Variants in GZMB observed in about 807,000 individuals in gnomAD.
The protein encoded by GZMB is granzyme B.
A neutral mutation model predicts 24.2 loss-of-function variants in GZMB; 27 were observed. That is an observed-to-expected ratio of 1.12 (90% confidence interval 0.82 to 1.54). The LOEUF (loss-of-function observed/expected upper bound fraction) is 1.54, where lower values mean the gene tolerates loss of function less well. Ranked by LOEUF, GZMB falls within the 40% of genes most tolerant of loss-of-function variation. The probability of loss-of-function intolerance (pLI) is 0.00; values close to 1 mark genes in which losing one functional copy is unlikely to be tolerated. For missense variants in GZMB, 336 were observed against 310.1 expected, an observed-to-expected ratio of 1.08 and a Z score of -0.63; for synonymous variants, 121 against 115.1, an observed-to-expected ratio of 1.05 and a Z score of -0.33.
intron 1 of GZMB, among the ~76,000 whole-genome samples, chr14:24,633,589 G>A (rs1008748441): frequency 7.9e-5 from 12 of 152,276 alleles, no homozygotes; most frequent in African/African-American, 9.6e-5. Flanking sequence ...GGGGCCTGCC[G>A]TAGTGCCTCA....
In GZMB at chr14:24,632,971, G is replaced by A. The variant is rs141950099; in HGVS notation, c.147C>T (p.Cys49=). ...AGTCGTCTCGTATCAGGAAGCCACC[G>A]CACCTCTTCAGAGACTTCTGATCCC... The part of the protein sequence containing the change: ...MIWDQKSLKR[C]GGFLIRDDFV... The change falls in exon 2 of 5, where the codon TGC becomes TGT. Residue 49 remains cysteine (C), a synonymous_variant. Transcript: ENST00000216341. 56 of 1,613,868 alleles carry A rather than the reference G, an allele frequency of 3.5e-5. No homozygotes were observed. Among genetic ancestry groups the A allele is most frequent in the Middle Eastern group, 1.7e-4 (1 of 6,058 alleles).
chr14:24,633,811 A>G, intron 1 of GZMB: 2 of 462,212 alleles, frequency 4.3e-6, no homozygotes, highest in South Asian at 2.1e-5. Flanking sequence ...ATAATTTAAT[A>G]TTTCTCTTTT....
Position 24,631,147 on chromosome 14 carries a change from T to C in GZMB, c.668A>G (p.Asn223Ser). 6.2e-7 allele frequency: 1 copy of C among 1,613,018 alleles called. No homozygotes were observed. The change falls in exon 5 of 5, where the codon AAT (asparagine) becomes AGT (serine). Residue 223 changes from asparagine (N) to serine (S), a missense_variant. By Grantham distance (46) the Asn-to-Ser change is conservative. Transcript: ENST00000216341. ...AQGIVSYGRN[N>S]GMPPRACTKV... Reference sequence around the variant, plus strand: ...GGTGCAGGCTCGTGGAGGCATGCCATTGTTTCGTCCATAGGAGACAATGCC... The same window carrying C: ...GGTGCAGGCTCGTGGAGGCATGCCACTGTTTCGTCCATAGGAGACAATGCC...
chr14:24,633,324 C>A lies in GZMB; in HGVS notation c.56-262G>T, dbSNP rs1000952534. 2.4e-5 allele frequency: 24 copies of A among 984,894 alleles called. No individual in the cohort carries two copies. In the African/African-American group the frequency reaches 4.2e-4, roughly 17 times the overall value. The allele number at this position is 984,894 out of a possible 1,614,324, so 61.0% of individuals were successfully genotyped here. A position where few individuals can be genotyped will look rare whatever the true frequency, so the allele number is the denominator to read the frequency against. ...AAATCCCAGAGGCTCCTGATCATTC[C>A]TCTCCTGACTTTGCTTTGTTTCAGG... is the stretch of plus-strand genomic sequence containing the variant. On this transcript the variant is annotated intron_variant, in intron 1 of 4. Coordinates refer to ENST00000216341, the MANE Select transcript of GZMB (RefSeq NM_004131.6).
In GZMB at chr14:24,633,729, G is replaced by A. The variant is rs1328797934; in HGVS notation, c.55+377C>T. On this transcript the variant is annotated intron_variant, in intron 1 of 4. Coordinates refer to ENST00000216341, the MANE Select transcript of GZMB (RefSeq NM_004131.6). ...AATTCTGCTGTCAGCTGAGCTCTGGGTTTCTCTCCTAAGTAGACAGTGAGA... is the reference window on the plus strand; with the variant it reads ...AATTCTGCTGTCAGCTGAGCTCTGGATTTCTCTCCTAAGTAGACAGTGAGA... Among the ~76,000 whole-genome samples the A allele has an allele frequency of 2.6e-5, 4 of 152,274 alleles. No individual in the cohort carries two copies. The East Asian group carries it at 5.8e-4, about 22-fold the overall frequency.
intron 4 of GZMB, 117 bp from the exon 5 acceptor site, chr14:24,631,331 A>C: frequency 2.4e-6 from 2 of 817,098 alleles, no homozygotes; most frequent in Non-Finnish European, 3.8e-6. Flanking sequence ...GGGAGACCAG[A>C]GGGCAGGGCA....
Position 24,633,890 on chromosome 14 carries a change from G to A in GZMB, c.55+216C>T, listed in dbSNP as rs1177895589. ...TCTCCAGGTGACAAAGGTGGGCTCTGGGGAAGGGATAGTACCCACTGGCTC... is the reference window on the plus strand; with the variant it reads ...TCTCCAGGTGACAAAGGTGGGCTCTAGGGAAGGGATAGTACCCACTGGCTC... On this transcript the variant is annotated intron_variant, in intron 1 of 4. Transcript: ENST00000216341. 1.2e-5 allele frequency: 8 copies of A among 646,002 alleles called. No homozygotes were observed. In the South Asian group the frequency reaches 1.3e-4, roughly 11 times the overall value. 40.0% of individuals were successfully genotyped at this position (646,002 alleles called of 1,614,324 possible).
intron 1 of GZMB, 133 bp from the exon 2 acceptor site, chr14:24,633,195 G>T (rs1351505419): frequency 6.9e-7 from 1 of 1,449,644 alleles, no homozygotes; most frequent in East Asian, 2.3e-5. Context: ...GGAGGAAGGG[G>T]CTTCAATTTC....
At position 24,632,022 on chromosome 14, in the gene GZMB, C is replaced by A. The variant is rs757031846; in HGVS notation, c.436G>T (p.Gly146Cys). The change falls in exon 4 of 5, where the codon GGC becomes TGC. Residue 146 changes from glycine (G) to cysteine (C), a missense_variant. Transcript: ENST00000216341. ...CCCAGGGGGGCCGTCTGCCCCCAGC[C>A]GGCCACACTGCATGTCTGCCCTGGC... ...VKPGQTCSVA[G>C]WGQTAPLGKH... The A allele has an allele frequency of 6.2e-7, 1 of 1,614,192 alleles. No individual in the cohort carries two copies. Among genetic ancestry groups the A allele is most frequent in the Admixed American group, 1.7e-5 (1 of 60,030 alleles).
At chr14:24,631,720 GT>G (rs2066995995) in intron 4 of GZMB, 137 bp downstream of exon 4, 2 of 768,524 alleles carry the variant, frequency 2.6e-6, no homozygotes, top group East Asian at 4.9e-5. Context: ...GCTCAGTCTA[GT>G]CCCCTCTTCT....
chr14:24,633,601 C>T (rs899193213), intron 1 of GZMB, among the ~76,000 whole-genome samples: 22 of 152,154 alleles, frequency 1.4e-4, no homozygotes, highest in Admixed American at 1.3e-3. Context: ...AGTGCCTCAT[C>T]CTTGGAAAGA....
chr14:24,631,566 T>C, intron 4 of GZMB: 2 of 553,408 alleles, frequency 3.6e-6, no homozygotes, highest in Non-Finnish European at 6.4e-6. Context: ...ACACACCTGG[T>C]TATAATTACT....
Position 24,632,032 on chromosome 14 carries a change from G to A in GZMB, c.426C>T (p.Cys142=), listed in dbSNP as rs2067000184. Residue 142 remains cysteine (C), a synonymous_variant, in exon 4 of 5, where the codon TGC becomes TGT. Transcript: ENST00000216341. Reference sequence around the variant, plus strand: ...CCGTCTGCCCCCAGCCGGCCACACTGCATGTCTGCCCTGGCTTCACCTGGG... The same window carrying A: ...CCGTCTGCCCCCAGCCGGCCACACTACATGTCTGCCCTGGCTTCACCTGGG... ...NKAQVKPGQT[C]SVAGWGQTAP... The A allele has an allele frequency of 6.2e-7, 1 of 1,614,180 alleles. No homozygotes were observed. Among genetic ancestry groups the A allele is most frequent in the African/African-American group, 1.3e-5 (1 of 75,060 alleles).
rs747427440 is a variant in GZMB, at chr14:24,632,411, C to G, written c.252G>C (p.Pro84=). The G allele has an allele frequency of 6.2e-7, 1 of 1,613,428 alleles. No homozygotes were observed. The highest frequency in any genetic ancestry group is 8.5e-7 in the Non-Finnish European group (1 of 1,179,780). The change falls in exon 3 of 5, where the codon CCG becomes CCC. Residue 84 remains proline (P), a synonymous_variant. Transcript: ENST00000216341. The part of the protein sequence containing the change: ...LGAHNIKEQE[P]TQQFIPVKRP... ...TTTTCACAGGGATAAACTGCTGGGTCGGCTCCTGTTCTTTGATATTGTGGG... is the reference window on the plus strand; with the variant it reads ...TTTTCACAGGGATAAACTGCTGGGTGGGCTCCTGTTCTTTGATATTGTGGG...
At chr14:24,633,867 T>C in intron 1 of GZMB, 2 of 600,014 alleles carry the variant, frequency 3.3e-6, no homozygotes, top group Middle Eastern at 3.3e-4. Context: ...AGTCCTACTC[T>C]CCAGGTGACA....
intron 4 of GZMB, chr14:24,631,644 C>T: frequency 5.1e-6 from 3 of 593,154 alleles, no homozygotes; most frequent in South Asian, 2.1e-5. Context: ...CAAATTCATC[C>T]TTCCAAAGAA....
intron 4 of GZMB, 54 bp from the exon 5 acceptor site, chr14:24,631,268 T>C: frequency 2.6e-6 from 4 of 1,522,820 alleles, no homozygotes; most frequent in Middle Eastern, 2.3e-4. Context: ...TCCTGCCCTC[T>C]CTTCCATCTC....
In GZMB at chr14:24,632,037, T is replaced by G. The variant is rs1418879211; in HGVS notation, c.421A>C (p.Thr141Pro). 1 of 1,614,222 alleles carries G rather than the reference T, an allele frequency of 6.2e-7. No individual in the cohort carries two copies. The highest frequency in any genetic ancestry group is 1.7e-5 in the Admixed American group (1 of 60,032). ...TGCCCCCAGCCGGCCACACTGCATGTCTGCCCTGGCTTCACCTGGGCCTTG... is the reference window on the plus strand; with the variant it reads ...TGCCCCCAGCCGGCCACACTGCATGGCTGCCCTGGCTTCACCTGGGCCTTG... The part of the protein sequence containing the change: ...SNKAQVKPGQ[T>P]CSVAGWGQTA... Residue 141 changes from threonine to proline, a missense_variant, in exon 4 of 5, where the codon ACA becomes CCA. Coordinates refer to ENST00000216341, the MANE Select transcript of GZMB (RefSeq NM_004131.6).
At chr14:24,632,160 C>T in intron 3 of GZMB, 42 bp from the exon 4 acceptor site, 3 of 1,605,580 alleles carry the variant, frequency 1.9e-6, no homozygotes, top group East Asian at 2.2e-5. Flanking sequence ...AGCCAACGAA[C>T]TTCTGGGCCC....
Sources: gnomAD v4.1 joint callset for allele counts (sites outside exome capture counted in the v4.1 genomes callset) on GRCh38, gnomAD v4.1.1 for gene constraint, MANE v1.5 for transcripts, NCBI Gene and HGNC (gene_info 2026-07-23, HGNC 2026-07-21) for gene names.